Variants in DMD observed in about 807,000 individuals in gnomAD.
DMD encodes dystrophin.
DMD carries 63 observed loss-of-function variants against 330.1 expected under a neutral mutation model. The ratio of observed to expected loss-of-function variants is 0.19; its 90% confidence interval spans 0.16 to 0.24. The LOEUF (loss-of-function observed/expected upper bound fraction) is 0.24. Ranked by LOEUF, DMD falls within the 10% of genes least tolerant of loss-of-function variation. The pLI is 1.00. For missense variants in DMD, 3,344 were observed against 2,684.1 expected, an observed-to-expected ratio of 1.25 and a Z score of -5.43; for synonymous variants, 1,223 against 959.8, an observed-to-expected ratio of 1.27 and a Z score of -5.07.
intron 16 of DMD, among the ~76,000 whole-genome samples, chrX:32,564,451 T>C (rs1008840234): frequency 1.8e-5 from 2 of 111,831 alleles, no homozygotes; most frequent in African/African-American, 6.5e-5. Flanking sequence ...TCTCATGTAT[T>C]TATTACATAA....
rs980800572 is a variant in DMD, at chrX:32,752,533, G to A, written c.650-53240C>T. Among the ~76,000 whole-genome samples, 6 of 106,294 alleles carry A rather than the reference G, an allele frequency of 5.6e-5. No homozygotes were observed. In the East Asian group the frequency reaches 1.8e-3, roughly 31 times the overall value. The allele number at this position is 106,294 out of a possible 115,157, so 92.3% of individuals were successfully genotyped here. Reference sequence around the variant, plus strand: ...TGATTTTATAGGCTCACAGGCAGAAGGAAATTGCCTTATCTAGGATGACAC... The same window carrying A: ...TGATTTTATAGGCTCACAGGCAGAAAGAAATTGCCTTATCTAGGATGACAC... On this transcript the variant is annotated intron_variant, in intron 7 of 78. Coordinates refer to ENST00000357033, the MANE Select transcript of DMD (RefSeq NM_004006.3).
chrX:31,899,622 A>C (rs2094395350), intron 47 of DMD, among the ~76,000 whole-genome samples: 1 of 111,227 alleles, frequency 9.0e-6, no homozygotes, highest in Admixed American at 9.6e-5. Context: ...AGGCCTGCAA[A>C]ATTTTTTTTA....
Position 32,678,884 on chromosome X carries a change from A to T in DMD, c.960+18986T>A, listed in dbSNP as rs185780756. Among the ~76,000 whole-genome samples, 464 of 112,040 alleles carry T rather than the reference A, an allele frequency of 4.1e-3. 2 individuals are homozygous for T. The highest frequency in any genetic ancestry group is 0.014 in the African/African-American group (439 of 30,851). On this transcript the variant is annotated intron_variant, in intron 9 of 78. Transcript: ENST00000357033. The stretch of plus-strand genomic sequence containing the variant: ...TTGGCAATAAAACAGATTTTTAAAC[A>T]TATAATTTGCATAAGTTAATCATGT...
At chrX:32,523,294 C>A (rs1364842712) in intron 17 of DMD, among the ~76,000 whole-genome samples, 1 of 111,648 alleles carries the variant, frequency 9.0e-6, no homozygotes, top group Non-Finnish European at 1.9e-5. Flanking sequence ...ACTCCACATT[C>A]TTCCCTGAAG....
chrX:32,640,860 A>T (rs941614924), intron 11 of DMD, among the ~76,000 whole-genome samples: 5 of 110,739 alleles, frequency 4.5e-5, no homozygotes, highest in African/African-American at 1.6e-4. Context: ...CTTAGTCTAG[A>T]ATTCAAAGCC....
At chrX:31,729,258 G>T (rs1457131260) in intron 52 of DMD, among the ~76,000 whole-genome samples, 1 of 111,159 alleles carries the variant, frequency 9.0e-6, no homozygotes, top group Non-Finnish European at 1.9e-5. Context: ...AGAAGCCACT[G>T]CCTGCTTGGA....
chrX:33,051,117 A>G (rs1203433359), intron 1 of DMD, among the ~76,000 whole-genome samples: 1 of 111,694 alleles, frequency 9.0e-6, no homozygotes, highest in African/African-American at 3.3e-5. Context: ...ACTGCTCACT[A>G]ATGTTTTTAT....
At chrX:32,792,193 G>C (rs1293990786) in intron 7 of DMD, among the ~76,000 whole-genome samples, 1 of 111,648 alleles carries the variant, frequency 9.0e-6, no homozygotes, top group Admixed American at 9.5e-5. Flanking sequence ...AGTGAAAGCT[G>C]TGGAAATTTA....
intron 50 of DMD, among the ~76,000 whole-genome samples, chrX:31,790,317 A>G (rs1230749976): frequency 3.6e-5 from 4 of 111,302 alleles, no homozygotes; most frequent in Non-Finnish European, 5.7e-5. Flanking sequence ...GCTAAAATGG[A>G]TAATCTTCCC....
chrX:32,275,348 A>G (rs1223496180), intron 43 of DMD, among the ~76,000 whole-genome samples: 4 of 111,987 alleles, frequency 3.6e-5, no homozygotes, highest in Non-Finnish European at 7.5e-5. Context: ...AGTTGATGCT[A>G]TCAAATTATA....
chrX:32,694,980 A>C (rs1341718322), intron 9 of DMD, among the ~76,000 whole-genome samples: 1 of 111,914 alleles, frequency 8.9e-6, no homozygotes, highest in Non-Finnish European at 1.9e-5. Flanking sequence ...TGAGTTAAAA[A>C]CGTATGGCAT....
rs575473125 is a variant in DMD at position 33,204,583 on chromosome X, C to T, written c.31+6699G>A. Reference sequence around the variant, plus strand: ...TATTCTATAGCCCTTATCTCCAATGCAAGTAGTTTGCGTGTGTGTGTATTT... The same window carrying T: ...TATTCTATAGCCCTTATCTCCAATGTAAGTAGTTTGCGTGTGTGTGTATTT... On this transcript the variant is annotated intron_variant, in intron 1 of 78. Coordinates refer to ENST00000357033, the MANE Select transcript of DMD (RefSeq NM_004006.3). Among the ~76,000 whole-genome samples, 10 of 111,624 alleles carry T rather than the reference C, an allele frequency of 9.0e-5. No individual in the cohort carries two copies. In the South Asian group the frequency reaches 3.7e-3, roughly 42 times the overall value.
Position 33,321,814 on chromosome X carries a change from T to A in DMD, c.7+17445A>T, listed in dbSNP as rs185400017. On this transcript the variant is annotated intron_variant, in intron 1 of 17. Transcript: ENST00000288447. Reference sequence around the variant, plus strand: ...TTTTATCAATGATCTTAGCTAGAACTTCTGGATAACTTGCTGCAGCTTCTC... The same window carrying A: ...TTTTATCAATGATCTTAGCTAGAACATCTGGATAACTTGCTGCAGCTTCTC... Among the ~76,000 whole-genome samples the A allele has an allele frequency of 2.7e-5, 3 of 112,089 alleles. No homozygotes were observed. The Admixed American group carries it at 2.8e-4, about 11-fold the overall frequency.
intron 49 of DMD, among the ~76,000 whole-genome samples, chrX:31,831,662 G>A (rs992138528): frequency 2.7e-5 from 3 of 111,241 alleles, no homozygotes; most frequent in Non-Finnish European, 5.7e-5. Flanking sequence ...GCAGTGGCGT[G>A]ATCTCAGCTC....
chrX:31,467,817 C>T (rs771231873), intron 59 of DMD, among the ~76,000 whole-genome samples: 1 of 111,599 alleles, frequency 9.0e-6, no homozygotes, highest in East Asian at 2.8e-4. Flanking sequence ...GGTTGGTAGG[C>T]TATTAATTAC....
intron 52 of DMD, among the ~76,000 whole-genome samples, chrX:31,702,063 A>G (rs1295321185): frequency 8.9e-6 from 1 of 111,779 alleles, no homozygotes; most frequent in Non-Finnish European, 1.9e-5. Flanking sequence ...GTACCTGCCA[A>G]TTGACGAACC....
chrX:31,996,656 G>C (rs1256573774), intron 44 of DMD, among the ~76,000 whole-genome samples: 5 of 111,754 alleles, frequency 4.5e-5, no homozygotes, highest in Non-Finnish European at 7.5e-5. Flanking sequence ...TATGATAAAA[G>C]ACAGTAACTC....
chrX:32,813,420 CAT>C (rs761756565), intron 6 of DMD, among the ~76,000 whole-genome samples: 135 of 111,272 alleles, frequency 1.2e-3, no homozygotes, highest in African/African-American at 3.6e-3. Context: ...AGCTCTACCA[CAT>C]GTTAGCCAAA....
At chrX:31,951,130 T>TATACAC (rs1557025321) in intron 45 of DMD, among the ~76,000 whole-genome samples, 2 of 77,751 alleles carry the variant, frequency 2.6e-5, no homozygotes, top group African/African-American at 5.5e-5. Context: ...TACATATATA[T>TATACAC]ATATATATAT....
Sources: allele counts gnomAD v4.1 joint callset (sites outside exome capture counted in the v4.1 genomes callset), GRCh38; gene constraint gnomAD v4.1.1; transcripts MANE v1.5; gene names NCBI Gene and HGNC (gene_info 2026-07-23, HGNC 2026-07-21).